SLC26A6: variants seen among roughly 807,000 people sequenced by gnomAD.
SLC26A6 encodes the protein solute carrier family 26 member 6.
Under a neutral mutation model 87.1 loss-of-function variants are expected in SLC26A6, and 67 were observed. That is an observed-to-expected ratio of 0.77 (90% CI 0.63 to 0.94). SLC26A6 has a LOEUF of 0.94. SLC26A6 is among the 40% of genes least tolerant of loss of function. SLC26A6 has a pLI of 0.00. For synonymous variants in SLC26A6, 414 were observed against 405.9 expected (o/e 1.02, Z -0.24); for missense variants, 902 against 973.0 (o/e 0.93, Z 0.97).
chr3:48,629,892 G>T lies in SLC26A6; in HGVS notation c.1509C>A (p.Leu503=). The T allele has an allele frequency of 6.2e-7, 1 of 1,614,096 alleles. No individual in the cohort carries two copies. The highest frequency in any genetic ancestry group is 8.5e-7 in the Non-Finnish European group (1 of 1,180,026). Reference sequence around the variant, plus strand: ...CTCACATCTGTGTCCGGACCACCACGAGCAGCAGGGAGAAGATGACCGCAA... The same window carrying T: ...CTCACATCTGTGTCCGGACCACCACTAGCAGCAGGGAGAAGATGACCGCAA... The part of the protein sequence containing the change: ...LVVAVIFSLL[L]VVVRTQMPHY... Residue 503 remains leucine, a synonymous_variant, in exon 13 of 21, where the codon CTC becomes CTA. Coordinates refer to ENST00000395550, the MANE Select transcript of SLC26A6 (RefSeq NM_022911.3).
At chr3:48,630,763 G>C (rs1354017975) in intron 9 of SLC26A6, 43 bp from the exon 10 acceptor site, 2 of 1,561,750 alleles carry the variant, frequency 1.3e-6, no homozygotes, top group East Asian at 2.4e-5. Flanking sequence ...TCCTAGAAGT[G>C]GCTGGTCACT....
intron 7 of SLC26A6, 114 bp from the exon 8 acceptor site, chr3:48,631,420 GA>G (rs2046788282): frequency 3.9e-6 from 5 of 1,270,262 alleles, no homozygotes; most frequent in Non-Finnish European, 5.3e-6. Flanking sequence ...TCGAGGGTGG[GA>G]AAAAGTCACG....
rs747846681 is a variant in SLC26A6 at position 48,626,217 on chromosome 3, C to A, written c.2265+1G>T. 2 of 1,614,038 alleles carry A rather than the reference C, an allele frequency of 1.2e-6. No individual in the cohort carries two copies. Among genetic ancestry groups the A allele is most frequent in the Non-Finnish European group, 1.7e-6 (2 of 1,180,000 alleles). ...GCTTGGCAGGCCAGAGGTAGGCTCA[C>A]CGAAACAGGGCTGTCGGGGACAGGC... On this transcript the variant is annotated splice_donor_variant, in intron 20 of 20. Transcript: ENST00000395550. LOFTEE classifies it high-confidence loss of function.
intron 19 of SLC26A6, 83 bp from the exon 20 acceptor site, chr3:48,626,437 C>T: frequency 6.3e-7 from 1 of 1,594,114 alleles, no homozygotes; most frequent in Non-Finnish European, 8.6e-7. Flanking sequence ...GCCCTGACCT[C>T]ATCACCCCTG....
chr3:48,631,047 G>C lies in SLC26A6; in HGVS notation c.1080C>G (p.Ile360Met), dbSNP rs2046774993. 7 of 1,613,872 alleles carry C rather than the reference G, an allele frequency of 4.3e-6. No individual in the cohort carries two copies. In the East Asian group the frequency reaches 1.6e-4, roughly 36 times the overall value. ...TCAGGGCGAAGATCTTCCCCAGTGA[G>C]ATGGCAATGGCAAACCCAACCACAG... ...TIAVVGFAIA[I>M]SLGKIFALRH... is the part of the protein sequence containing the mutation. The change falls in exon 9 of 21, where the codon ATC (isoleucine) becomes ATG (methionine). Residue 360 changes from isoleucine to methionine, a missense_variant. Around this residue, in one of 3 missense-constraint regions of SLC26A6, gnomAD observed 800 missense variants for 856.8 expected, o/e 0.93. Coordinates refer to ENST00000395550, the MANE Select transcript of SLC26A6 (RefSeq NM_022911.3).
In SLC26A6 at chr3:48,629,776, G is replaced by A. The variant is rs1342374425; in HGVS notation, c.1530-65C>T. ...AAAGGGGATAACAGAGGGGTCCGAA[G>A]GAGCCTGAAGTCCCCAGAGATGTGG... On this transcript the variant is annotated intron_variant, in intron 13 of 20. Transcript: ENST00000395550. 5 of 1,610,026 alleles carry A rather than the reference G, an allele frequency of 3.1e-6. No homozygotes were observed. The East Asian group carries it at 6.7e-5, about 22-fold the overall frequency.
At chr3:48,632,224 A>C in intron 5 of SLC26A6, 21 bp downstream of exon 5, 1 of 1,576,302 alleles carries the variant, frequency 6.3e-7, no homozygotes, top group Non-Finnish European at 8.6e-7. Flanking sequence ...TGGGGGGCAC[A>C]TACTCCTGAC....
chr3:48,635,249 G>A, intron 1 of SLC26A6, 122 bp downstream of exon 1: 2 of 1,338,052 alleles, frequency 1.5e-6, no homozygotes, highest in East Asian at 2.5e-5. Flanking sequence ...CAGAAAATCA[G>A]CAGAGGTAAA....
At chr3:48,631,435 G>T in intron 7 of SLC26A6, 129 bp from the exon 8 acceptor site, 1 of 1,170,922 alleles carries the variant, frequency 8.5e-7, no homozygotes, top group Non-Finnish European at 1.2e-6. Flanking sequence ...AGTCACGTAG[G>T]GTGAGAGACA....
chr3:48,629,432 G>A (rs1358342962), intron 14 of SLC26A6, among the ~76,000 whole-genome samples: 1 of 152,154 alleles, frequency 6.6e-6, no homozygotes, highest in East Asian at 1.9e-4. Flanking sequence ...CCCCTCCCCA[G>A]CCCCAGACCC....
intron 14 of SLC26A6, among the ~76,000 whole-genome samples, chr3:48,629,253 G>A (rs1421871711): frequency 1.3e-5 from 2 of 152,144 alleles, no homozygotes; most frequent in African/African-American, 4.8e-5. Flanking sequence ...CCTAGCACTT[G>A]GCCCAAGACC....
Position 48,633,598 on chromosome 3 carries a change from C to T in SLC26A6, c.61G>A (p.Ala21Thr). The change falls in exon 2 of 21, where the codon GCA (alanine) becomes ACA (threonine). Residue 21 changes from alanine to threonine, a missense_variant. By Grantham distance (58) the Ala-to-Thr change is moderately conservative (BLOSUM62 0). This residue lies in a region of SLC26A6 where 800 missense variants were observed against 856.8 expected (regional missense o/e 0.93). Coordinates refer to ENST00000395550, the MANE Select transcript of SLC26A6 (RefSeq NM_022911.3). ...TAGTCTCGCCTCCGCAGGTCCATTG[C>T]TTGTGTTGCAGACAGCAGTGCCTGT... ...DTQALLSATQ[A>T]MDLRRRDYHM... is the part of the protein sequence containing the mutation. 6.2e-7 allele frequency: 1 copy of T among 1,613,578 alleles called. No homozygotes were observed. Among genetic ancestry groups the T allele is most frequent in the Non-Finnish European group, 8.5e-7 (1 of 1,179,996 alleles).
intron 11 of SLC26A6, 67 bp downstream of exon 11, chr3:48,630,371 C>A: frequency 1.3e-6 from 2 of 1,507,892 alleles, no homozygotes; most frequent in Non-Finnish European, 9.0e-7. Flanking sequence ...CTCGCCTGAA[C>A]CTAGACTGGC....
chr3:48,626,873 T>TA lies in SLC26A6; in HGVS notation c.2073+2dup. 1 of 1,612,704 alleles carries TA rather than the reference T, an allele frequency of 6.2e-7. No individual in the cohort carries two copies. The highest frequency in any genetic ancestry group is 8.5e-7 in the Non-Finnish European group (1 of 1,179,294). ...AGGGGCCTTGGCCTGCCCCCGTCCT[T>TA]ACATTCTTCAGGCTCTTGAGGCACA... On this transcript the variant is annotated splice_region_variant and intron_variant, in intron 18 of 20. Coordinates refer to ENST00000395550, the MANE Select transcript of SLC26A6 (RefSeq NM_022911.3).
chr3:48,631,688 C>G lies in SLC26A6; in HGVS notation c.864G>C (p.Gln288His). Reference protein sequence around the residue: ...VVVKLLNDKLQQQLPMPIPGE... With the variant: ...VVVKLLNDKLHQQLPMPIPGE... ...CGGGTATCGGCATGGGCAGCTGCTG[C>G]TGCAGCTTGTCATTCAACAGCTTCA... Residue 288 changes from glutamine (Q) to histidine (H), a missense_variant, in exon 7 of 21, where the codon CAG (glutamine) becomes CAC (histidine). Transcript: ENST00000395550. 9 of 1,613,244 alleles carry G rather than the reference C, an allele frequency of 5.6e-6. No homozygotes were observed. The highest frequency in any genetic ancestry group is 7.6e-6 in the Non-Finnish European group (9 of 1,179,998).
rs750000037 is a variant in SLC26A6 at position 48,633,376 on chromosome 3, C to G, written c.197G>C (p.Arg66Pro). ...GTGTTGGAGCAGAAGGGCATAGGCC[C>G]GAGCACGGGAGCACCTAGGGACATG... Reference protein sequence around the residue: ...WRTWLQCSRARAYALLLQHLP... With the variant: ...WRTWLQCSRAPAYALLLQHLP... Residue 66 changes from arginine (R) to proline (P), a missense_variant, in exon 3 of 21, where the codon CGG (arginine) becomes CCG (proline). By Grantham distance (103) the Arg-to-Pro change is moderately radical (BLOSUM62 -2). This residue lies in a region of SLC26A6 where 800 missense variants were observed against 856.8 expected (regional missense o/e 0.93). Transcript: ENST00000395550. 5.0e-6 allele frequency: 8 copies of G among 1,613,262 alleles called. No homozygotes were observed. Among genetic ancestry groups the G allele is most frequent in the African/African-American group, 1.3e-5 (1 of 74,920 alleles).
At chr3:48,634,734 G>C (rs376618133) in intron 1 of SLC26A6, 3 of 985,414 alleles carry the variant, frequency 3.0e-6, no homozygotes, top group African/African-American at 3.5e-5. Context: ...AACTCACCTG[G>C]GAAGCGCCTC....
chr3:48,630,537 A>AG (rs900854594), intron 10 of SLC26A6, 22 bp from the exon 11 acceptor site: 1 of 1,558,444 alleles, frequency 6.4e-7, no homozygotes, highest in African/African-American at 1.4e-5. Flanking sequence ...GGGAGTGAGC[A>AG]GGGGAGAGAC....
At chr3:48,631,547 G>GCC in intron 7 of SLC26A6, 102 bp downstream of exon 7, 1 of 1,462,180 alleles carries the variant, frequency 6.8e-7, no homozygotes, top group South Asian at 1.3e-5. Context: ...AACCCTCCCA[G>GCC]CCCCCCTCCA....
Sources: allele counts gnomAD v4.1 joint callset (sites outside exome capture counted in the v4.1 genomes callset), GRCh38; gene constraint gnomAD v4.1.1; regional missense constraint gnomAD v4.1.1; transcripts MANE v1.5; gene names NCBI Gene and HGNC (gene_info 2026-07-23, HGNC 2026-07-21).